CDK19: variants seen among roughly 807,000 people sequenced by gnomAD.
CDK19 encodes cyclin dependent kinase 19.
CDK19 carries 20 observed loss-of-function variants against 68.3 expected under a neutral mutation model. The observed-to-expected ratio is 0.29, with a 90% CI of 0.21 to 0.43. The LOEUF (loss-of-function observed/expected upper bound fraction) is 0.43, where lower values mean the gene tolerates loss of function less well. CDK19 is among the 20% of genes least tolerant of loss of function. The pLI is 1.00. For missense variants in CDK19, 339 were observed against 623.5 expected (o/e 0.54, Z 4.86); for synonymous variants, 221 against 222.8 (o/e 0.99, Z 0.07).
chr6:110,804,850 G>A (rs867937632), intron 1 of CDK19, among the ~76,000 whole-genome samples: 2 of 151,608 alleles, frequency 1.3e-5, no homozygotes, highest in African/African-American at 4.8e-5. Context: ...CAGCCACTCG[G>A]GAGACTGAGG....
Position 110,644,038 on chromosome 6 carries a change from A to T in CDK19, c.457-5332T>A, listed in dbSNP as rs1028751500. Among the ~76,000 whole-genome samples the T allele has an allele frequency of 5.3e-5, 8 of 152,282 alleles. No homozygotes were observed. The East Asian group carries it at 1.5e-3, about 29-fold the overall frequency. ...GCCAGGCGCAGTGGCTCATACCTGT[A>T]ATCCCAGCACTTTGGGAGGCCAAGG... On this transcript the variant is annotated intron_variant, in intron 4 of 12. Coordinates refer to ENST00000368911, the MANE Select transcript of CDK19 (RefSeq NM_015076.5).
chr6:110,614,475 GC>G lies in CDK19; in HGVS notation c.*59del, dbSNP rs1778182900. 1.2e-5 allele frequency: 18 copies of G among 1,559,992 alleles called. No individual in the cohort carries two copies. In the South Asian group the frequency reaches 1.9e-4, roughly 17 times the overall value. ...TTGCATTTTTTTGGTTCTTTTCAAT[GC>G]AGACATATTGCTGGAGCCTGTGCTC... is the stretch of plus-strand genomic sequence containing the variant. On this transcript the variant is annotated 3_prime_UTR_variant, in exon 13 of 13. Transcript: ENST00000368911.
chr6:110,625,343 T>C (rs1356339062), intron 8 of CDK19, among the ~76,000 whole-genome samples: 3 of 151,928 alleles, frequency 2.0e-5, no homozygotes, highest in East Asian at 1.9e-4. Context: ...TTAATAAAAA[T>C]AGAGATAGGG....
chr6:110,623,878 C>T (rs1471357308), intron 8 of CDK19, among the ~76,000 whole-genome samples: 5 of 78,264 alleles, frequency 6.4e-5, no homozygotes, highest in East Asian at 5.8e-4. Flanking sequence ...AGTATATATA[C>T]GTATATATAT....
chr6:110,798,894 G>C (rs996642935), intron 1 of CDK19, among the ~76,000 whole-genome samples: 3 of 151,780 alleles, frequency 2.0e-5, no homozygotes, highest in African/African-American at 7.3e-5. Flanking sequence ...TGTAATCCTA[G>C]TACTTTGGGA....
At chr6:110,670,400 A>G (rs1286098608) in intron 3 of CDK19, 31 bp downstream of exon 3, 1 of 1,237,492 alleles carries the variant, frequency 8.1e-7, no homozygotes, top group South Asian at 1.2e-5. Context: ...TATATAAAAC[A>G]ATCCTAGAAA....
chr6:110,657,959 G>T (rs1257822757), intron 4 of CDK19, among the ~76,000 whole-genome samples: 1 of 152,130 alleles, frequency 6.6e-6, no homozygotes, highest in African/African-American at 2.4e-5. Context: ...TCTGTTGAAA[G>T]CTCCAACTAC....
chr6:110,703,666 C>A (rs1226342244), intron 2 of CDK19, among the ~76,000 whole-genome samples: 1 of 151,964 alleles, frequency 6.6e-6, no homozygotes, highest in Non-Finnish European at 1.5e-5. Flanking sequence ...ACAGGGAGAC[C>A]TTGTCTCTAC....
At chr6:110,730,993 A>G (rs946148059) in intron 2 of CDK19, among the ~76,000 whole-genome samples, 2 of 152,068 alleles carry the variant, frequency 1.3e-5, no homozygotes, top group African/African-American at 2.4e-5. Context: ...CAGAGGTTGC[A>G]GTGAGCTGAG....
intron 2 of CDK19, among the ~76,000 whole-genome samples, chr6:110,744,006 CCCA>C (rs995082305): frequency 1.5e-5 from 2 of 132,954 alleles, no homozygotes; most frequent in African/African-American, 5.5e-5. Context: ...CAAATACCTC[CCCA>C]CGTTTTTTTT....
chr6:110,750,640 G>A (rs146646614), intron 1 of CDK19, among the ~76,000 whole-genome samples: 9 of 152,092 alleles, frequency 5.9e-5, no homozygotes, highest in African/African-American at 2.2e-4. Flanking sequence ...AAAATATCTC[G>A]GAAGTTCAAA....
At chr6:110,755,669 G>A (rs1292090385) in intron 1 of CDK19, among the ~76,000 whole-genome samples, 2 of 152,100 alleles carry the variant, frequency 1.3e-5, no homozygotes, top group African/African-American at 2.4e-5. Flanking sequence ...TACAAGAGGT[G>A]AAAAAACACA....
At chr6:110,735,914 G>A (rs1016650873) in intron 2 of CDK19, among the ~76,000 whole-genome samples, 2 of 152,328 alleles carry the variant, frequency 1.3e-5, no homozygotes, top group East Asian at 1.9e-4. Context: ...AGAGGGTGGA[G>A]CTGAGAATGA....
chr6:110,717,136 A>G (rs1164926800), intron 2 of CDK19, among the ~76,000 whole-genome samples: 2 of 152,174 alleles, frequency 1.3e-5, no homozygotes, highest in East Asian at 3.8e-4. Flanking sequence ...TCAAAAATAA[A>G]TAATAAATAA....
At chr6:110,745,989 C>T (rs1486004395) in intron 2 of CDK19, 137 bp downstream of exon 2, 2 of 448,258 alleles carry the variant, frequency 4.5e-6, no homozygotes, top group Non-Finnish European at 7.6e-6. Context: ...CAGATTTTCT[C>T]ACTCTACATA....
intron 1 of CDK19, among the ~76,000 whole-genome samples, chr6:110,801,058 C>T (rs1180982124): frequency 1.3e-5 from 2 of 152,100 alleles, no homozygotes; most frequent in Non-Finnish European, 2.9e-5. Context: ...CCTAAAGATT[C>T]CTTCAAAAGA....
chr6:110,654,753 C>T lies in CDK19; in HGVS notation c.456+12681G>A, dbSNP rs375679634. On this transcript the variant is annotated intron_variant, in intron 4 of 12. Coordinates refer to ENST00000368911, the MANE Select transcript of CDK19 (RefSeq NM_015076.5). ...GTCAGGAGTTCGAGACCAGCCTGAC[C>T]AACATGGAGAAAACCCACCTCTACT... 4.5e-4 allele frequency among the ~76,000 whole-genome samples: 68 copies of T among 152,230 alleles called. No individual in the cohort carries two copies. The East Asian group carries it at 0.011, about 24-fold the overall frequency.
rs149853215 is a variant in CDK19, at chr6:110,610,663, A to G, written c.*3872T>C. On this transcript the variant is annotated 3_prime_UTR_variant, in exon 13 of 13. Coordinates refer to ENST00000368911, the MANE Select transcript of CDK19 (RefSeq NM_015076.5). ...ATGTTTTATACAAAATATTACTTGT[A>G]CTTGAATCCTTCAAGCCTCTGTTGG... The G allele has an allele frequency of 1.1e-4, 16 of 152,266 alleles. No homozygotes were observed. The highest frequency in any genetic ancestry group is 3.9e-4 in the African/African-American group (16 of 41,550). The allele number at this position is 152,266 out of a possible 1,614,324, so 9.4% of individuals were successfully genotyped here.
At position 110,729,486 on chromosome 6, in the gene CDK19, T is replaced by C. The variant is rs1776587343; in HGVS notation, c.204+16640A>G. On this transcript the variant is annotated intron_variant, in intron 2 of 12. Coordinates refer to ENST00000368911, the MANE Select transcript of CDK19 (RefSeq NM_015076.5). ...CTCTGCCAGCCAGGCTGTAGTGCAGTGGCACAATCTCAGTTCAGTGCAACC... is the reference window on the plus strand; with the variant it reads ...CTCTGCCAGCCAGGCTGTAGTGCAGCGGCACAATCTCAGTTCAGTGCAACC... Among the ~76,000 whole-genome samples the C allele has an allele frequency of 2.0e-5, 3 of 152,294 alleles. No homozygotes were observed. In the South Asian group the frequency reaches 6.2e-4, roughly 32 times the overall value.
Sources: gnomAD v4.1 joint callset for allele counts (sites outside exome capture counted in the v4.1 genomes callset) on GRCh38, gnomAD v4.1.1 for gene constraint, MANE v1.5 for transcripts, NCBI Gene and HGNC (gene_info 2026-07-23, HGNC 2026-07-21) for gene names.